IGF2BP1: variants seen among roughly 807,000 people sequenced by gnomAD.
The protein encoded by IGF2BP1 is insulin-like growth factor 2 mRNA-binding protein 1.
IGF2BP1 carries 11 observed loss-of-function variants against 74.9 expected under a neutral mutation model. That is an observed-to-expected ratio of 0.15 (90% CI 0.09 to 0.24). IGF2BP1 has a LOEUF of 0.24. Ranked by LOEUF, IGF2BP1 falls within the 10% of genes least tolerant of loss-of-function variation. The pLI is 1.00. For missense variants in IGF2BP1, 440 were observed against 757.4 expected, an observed-to-expected ratio of 0.58 and a Z score of 4.92; for synonymous variants, 287 against 281.8, an observed-to-expected ratio of 1.02 and a Z score of -0.18.
intron 5 of IGF2BP1, among the ~76,000 whole-genome samples, chr17:49,032,895 A>C (rs2041941778): frequency 6.6e-6 from 1 of 152,110 alleles, no homozygotes; most frequent in South Asian, 2.1e-4. Context: ...TGCTCACTGC[A>C]ACCTCAACCT....
intron 2 of IGF2BP1, among the ~76,000 whole-genome samples, chr17:49,011,010 A>G (rs9911957): frequency 2.6e-5 from 4 of 151,336 alleles, no homozygotes; most frequent in Admixed American, 2.0e-4. Flanking sequence ...GGTGGCGCGC[A>G]CCTGTAATCC....
intron 2 of IGF2BP1, among the ~76,000 whole-genome samples, chr17:49,019,790 C>T (rs186969676): frequency 1.3e-5 from 2 of 150,560 alleles, no homozygotes; most frequent in African/African-American, 4.9e-5. Flanking sequence ...CTCACCCAGG[C>T]CGGAGTGCAA....
chr17:49,014,999 C>T (rs1379726432), intron 2 of IGF2BP1: 7 of 949,636 alleles, frequency 7.4e-6, no homozygotes, highest in South Asian at 4.8e-5. Flanking sequence ...GCTCCATCCT[C>T]GGCCGGGCCT....
At chr17:49,030,261 C>T (rs2041907426) in intron 4 of IGF2BP1, among the ~76,000 whole-genome samples, 1 of 151,716 alleles carries the variant, frequency 6.6e-6, no homozygotes, top group African/African-American at 2.4e-5. Context: ...TCTGTCTCAA[C>T]CTCCCAAGTA....
At position 49,043,607 on chromosome 17, in the gene IGF2BP1, G is replaced by C; in HGVS notation, c.1200+57G>C. ...TGGGCCCATATGTGGCCTCCCTTAA[G>C]GGGGACTCAGCATGCTCTGGGAGTT... On this transcript the variant is annotated intron_variant, in intron 10 of 14. Coordinates refer to ENST00000290341, the MANE Select transcript of IGF2BP1 (RefSeq NM_006546.4). The C allele has an allele frequency of 3.8e-6, 6 of 1,588,840 alleles. No homozygotes were observed. In the South Asian group the frequency reaches 6.8e-5, roughly 18 times the overall value.
At chr17:49,012,031 C>T (rs2041625819) in intron 2 of IGF2BP1, among the ~76,000 whole-genome samples, 2 of 151,334 alleles carry the variant, frequency 1.3e-5, no homozygotes, top group South Asian at 4.2e-4. Flanking sequence ...CCTGCCTTAG[C>T]CTCCTGAGTA....
At position 49,038,251 on chromosome 17, in the gene IGF2BP1, G is replaced by A; in HGVS notation, c.485G>A (p.Gly162Glu). 1 of 1,597,706 alleles carries A rather than the reference G, an allele frequency of 6.3e-7. No homozygotes were observed. The highest frequency in any genetic ancestry group is 2.3e-5 in the East Asian group (1 of 44,208). ...ATCCCCGATGAGCAGATAGCACAGGGACCTGAGAATGGGCGCCGAGGGGGC... is the reference window on the plus strand; with the variant it reads ...ATCCCCGATGAGCAGATAGCACAGGAACCTGAGAATGGGCGCCGAGGGGGC... ...SYIPDEQIAQ[G>E]PENGRRGGFG... The change falls in exon 6 of 15, where the codon GGA becomes GAA. Residue 162 changes from glycine (G) to glutamate (E), a missense_variant. Transcript: ENST00000290341.
intron 4 of IGF2BP1, among the ~76,000 whole-genome samples, chr17:49,027,470 A>C (rs2041871100): frequency 6.6e-6 from 1 of 152,210 alleles, no homozygotes; most frequent in Non-Finnish European, 1.5e-5. Flanking sequence ...CAGAGGATTT[A>C]TTACTTAGTT....
intron 4 of IGF2BP1, among the ~76,000 whole-genome samples, chr17:49,027,776 C>T (rs1454128581): frequency 1.4e-5 from 2 of 144,828 alleles, no homozygotes; most frequent in African/African-American, 5.0e-5. Flanking sequence ...GGCGTGAACC[C>T]GGGAGGCGGA....
At chr17:48,996,981 C>T (rs1435668420), upstream of IGF2BP1, among the ~76,000 whole-genome samples, 1 of 152,186 alleles carries the variant, frequency 6.6e-6, no homozygotes, top group African/African-American at 2.4e-5. Flanking sequence ...CTGTCTCGGC[C>T]GTCCCCCGCC....
intron 2 of IGF2BP1, among the ~76,000 whole-genome samples, chr17:49,000,028 A>G (rs750826781): frequency 2.6e-5 from 4 of 151,560 alleles, no homozygotes; most frequent in Non-Finnish European, 5.9e-5. Context: ...CATCATACTT[A>G]CCGAGAATTC....
chr17:49,035,650 G>A (rs113329656), intron 5 of IGF2BP1, among the ~76,000 whole-genome samples: 1,646 of 152,294 alleles, frequency 0.011, 37 homozygotes, highest in African/African-American at 0.037. Context: ...GGTGGCTGGG[G>A]CACCTGGGAA....
At chr17:49,048,686 C>G (rs2042133111) in intron 14 of IGF2BP1, among the ~76,000 whole-genome samples, 1 of 152,196 alleles carries the variant, frequency 6.6e-6, no homozygotes, top group Non-Finnish European at 1.5e-5. Flanking sequence ...CCGGGCCACA[C>G]AGCAGGAGGT....
rs764912324 is a variant in IGF2BP1 at position 49,042,231 on chromosome 17, C to T, written c.942-11C>T. 6.7e-5 allele frequency: 108 copies of T among 1,614,012 alleles called. No homozygotes were observed. The highest frequency in any genetic ancestry group is 8.8e-5 in the Non-Finnish European group (104 of 1,179,986). ...GCCAGTGAAAGGACACAACTCTGCT[C>T]TTTCTGCCAGGTTGCAAGACCTTAC... On this transcript the variant is annotated splice_polypyrimidine_tract_variant and intron_variant, in intron 8 of 14. Transcript: ENST00000290341.
intron 2 of IGF2BP1, among the ~76,000 whole-genome samples, chr17:49,003,656 TC>T (rs771827746): frequency 6.6e-6 from 1 of 151,942 alleles, no homozygotes; most frequent in East Asian, 1.9e-4. Context: ...GCTAATGTTT[TC>T]CAGAAAGTGC....
intron 5 of IGF2BP1, among the ~76,000 whole-genome samples, chr17:49,032,480 A>G (rs1275816276): frequency 1.3e-5 from 2 of 152,174 alleles, no homozygotes; most frequent in Non-Finnish European, 2.9e-5. Context: ...CGCACCCACA[A>G]TTTTAGCTCC....
At chr17:48,996,997 GT>G (rs1442744307), upstream of IGF2BP1, among the ~76,000 whole-genome samples, 11 of 152,312 alleles carry the variant, frequency 7.2e-5, no homozygotes, top group South Asian at 4.1e-4. Flanking sequence ...CCGCCTGTCA[GT>G]CGCTAGCAGT....
chr17:49,007,059 G>C (rs1322538027), intron 2 of IGF2BP1, among the ~76,000 whole-genome samples: 1 of 152,146 alleles, frequency 6.6e-6, no homozygotes, highest in Non-Finnish European at 1.5e-5. Flanking sequence ...GGTGAGAGGG[G>C]AACTAACTCT....
chr17:48,998,193 C>T (rs2041432704), intron 1 of IGF2BP1, among the ~76,000 whole-genome samples: 1 of 152,106 alleles, frequency 6.6e-6, no homozygotes, highest in Non-Finnish European at 1.5e-5. Flanking sequence ...ACCGACGGGG[C>T]GGGAGCCCCC....
Sources: gnomAD v4.1 joint callset for allele counts (sites outside exome capture counted in the v4.1 genomes callset) on GRCh38, gnomAD v4.1.1 for gene constraint, MANE v1.5 for transcripts, NCBI Gene and HGNC (gene_info 2026-07-23, HGNC 2026-07-21) for gene names.